Variants in TLK2 observed in about 807,000 individuals in gnomAD.
TLK2 encodes serine/threonine-protein kinase tousled-like 2.
In TLK2, 6 loss-of-function variants were observed where a neutral mutation model predicts 117.3. That is an observed-to-expected ratio of 0.05 (90% CI 0.03 to 0.10). The LOEUF (loss-of-function observed/expected upper bound fraction) is 0.10, where lower values mean the gene tolerates loss of function less well. TLK2 is among the 10% of genes least tolerant of loss of function. The pLI is 1.00. For missense variants in TLK2, 299 were observed against 901.2 expected, an observed-to-expected ratio of 0.33 and a Z score of 8.56; for synonymous variants, 257 against 316.7, an observed-to-expected ratio of 0.81 and a Z score of 2.00.
intron 2 of TLK2, among the ~76,000 whole-genome samples, chr17:62,511,957 A>G (rs1234286299): frequency 1.3e-5 from 2 of 152,298 alleles, no homozygotes; most frequent in African/African-American, 2.4e-5. Flanking sequence ...TCAAATGATA[A>G]GTTTTAAGTG....
intron 2 of TLK2, among the ~76,000 whole-genome samples, chr17:62,504,508 A>C (rs1423195529): frequency 1.3e-5 from 2 of 152,146 alleles, no homozygotes; most frequent in African/African-American, 4.8e-5. Flanking sequence ...CAAGTAAATG[A>C]GATTAATTTT....
intron 2 of TLK2, chr17:62,508,333 TA>T: frequency 1.5e-6 from 1 of 674,192 alleles, no homozygotes; most frequent in South Asian, 6.8e-5. Flanking sequence ...ACCACATAGT[TA>T]AACTTAAATA....
At chr17:62,604,674 G>A (rs570869966) in intron 19 of TLK2, among the ~76,000 whole-genome samples, 4 of 152,062 alleles carry the variant, frequency 2.6e-5, no homozygotes, top group South Asian at 2.1e-4. Context: ...ACTTTGGGAG[G>A]CCAAGGCGGG....
intron 6 of TLK2, among the ~76,000 whole-genome samples, chr17:62,535,722 C>G (rs995004644): frequency 1.3e-5 from 2 of 150,832 alleles, no homozygotes; most frequent in Admixed American, 6.6e-5. Context: ...GCAGTGAGAG[C>G]AGAGACTCTC....
At chr17:62,517,058 A>G (rs1363422434) in intron 2 of TLK2, among the ~76,000 whole-genome samples, 2 of 152,064 alleles carry the variant, frequency 1.3e-5, no homozygotes, top group East Asian at 3.9e-4. Context: ...GGCGTGTGTC[A>G]CCATGCCCAG....
In TLK2 at chr17:62,544,034, A is replaced by AT. The variant is rs1030481872; in HGVS notation, c.531+7705dup. Among the ~76,000 whole-genome samples, 8 of 151,572 alleles carry AT rather than the reference A, an allele frequency of 5.3e-5. No individual in the cohort carries two copies. In the East Asian group the frequency reaches 5.8e-4, roughly 11 times the overall value. On this transcript the variant is annotated intron_variant, in intron 7 of 21. Coordinates refer to ENST00000346027, the MANE Select transcript of TLK2 (RefSeq NM_006852.6). Reference sequence around the variant, plus strand: ...GGTATGAGGAAGGAGTTCCAACTTCATTTTTTTTGCATGTGTATATCCTAT... The same window carrying AT: ...GGTATGAGGAAGGAGTTCCAACTTCATTTTTTTTTGCATGTGTATATCCTAT...
chr17:62,570,772 C>A (rs1024595138), intron 11 of TLK2, among the ~76,000 whole-genome samples: 1 of 151,968 alleles, frequency 6.6e-6, no homozygotes, highest in Non-Finnish European at 1.5e-5. Context: ...TATATTATGG[C>A]TGTGGGGAGC....
At chr17:62,604,153 C>T (rs1014559118) in intron 19 of TLK2, among the ~76,000 whole-genome samples, 26 of 151,970 alleles carry the variant, frequency 1.7e-4, no homozygotes, top group African/African-American at 3.6e-4. Context: ...TACATGCACC[C>T]GCCACCACGC....
intron 7 of TLK2, among the ~76,000 whole-genome samples, chr17:62,545,667 C>T (rs1440120477): frequency 6.6e-6 from 1 of 152,122 alleles, no homozygotes; most frequent in South Asian, 2.1e-4. Context: ...CAGAGGTGGT[C>T]ATTTTTTAGG....
intron 2 of TLK2, among the ~76,000 whole-genome samples, chr17:62,485,937 C>CA (rs1237031163): frequency 6.6e-6 from 1 of 151,380 alleles, no homozygotes; most frequent in Non-Finnish European, 1.5e-5. Context: ...TCTCCTGCCT[C>CA]AGCCTCCCGA....
intron 12 of TLK2, 92 bp from the exon 13 acceptor site, chr17:62,576,617 A>G: frequency 1.0e-6 from 1 of 966,608 alleles, no homozygotes; most frequent in Non-Finnish European, 1.7e-6. Flanking sequence ...ACTGAAACTG[A>G]ATATGTCTTA....
At chr17:62,549,423 A>AAAAAAAAAAGT (rs2078249580) in intron 7 of TLK2, among the ~76,000 whole-genome samples, 4 of 114,766 alleles carry the variant, frequency 3.5e-5, no homozygotes, top group Non-Finnish European at 5.7e-5. Flanking sequence ...AAAAAAAAAA[A>AAAAAAAAAAGT]AAAAAAAAAA....
At chr17:62,569,476 C>T (rs1598647926) in intron 11 of TLK2, among the ~76,000 whole-genome samples, 1 of 134,512 alleles carries the variant, frequency 7.4e-6, no homozygotes, top group Non-Finnish European at 1.6e-5. Flanking sequence ...TGCTCTGTTG[C>T]CCAGGCTGGA....
At chr17:62,584,153 C>T (rs1485683083) in intron 15 of TLK2, among the ~76,000 whole-genome samples, 8 of 129,694 alleles carry the variant, frequency 6.2e-5, no homozygotes, top group African/African-American at 1.7e-4. Context: ...CTCGCTCTGT[C>T]GCCCAGGCTG....
rs544115232 is a variant in TLK2 at position 62,493,405 on chromosome 17, A to C, written c.81+12199A>C. ...GATGGACCCTCGGGTTACTTTTACC[A>C]TTTGGCTATTGTGAATAGTGCTATG... On this transcript the variant is annotated intron_variant, in intron 2 of 21. Coordinates refer to ENST00000346027, the MANE Select transcript of TLK2 (RefSeq NM_006852.6). Among the ~76,000 whole-genome samples, 12 of 152,224 alleles carry C rather than the reference A, an allele frequency of 7.9e-5. 1 individual carries two copies. In the South Asian group the frequency reaches 2.3e-3, roughly 29 times the overall value.
chr17:62,572,176 CAAAAAA>C, intron 11 of TLK2, among the ~76,000 whole-genome samples: 1 of 54,596 alleles, frequency 1.8e-5, no homozygotes, highest in African/African-American at 6.5e-5. Context: ...GGCTCTGTCT[CAAAAAA>C]AAAAAAAAAA....
chr17:62,481,576 G>A (rs1049833543), intron 2 of TLK2, among the ~76,000 whole-genome samples: 1 of 152,202 alleles, frequency 6.6e-6, no homozygotes, highest in Non-Finnish European at 1.5e-5. Flanking sequence ...TTGGACTTTG[G>A]AGGTAGTTAC....
At chr17:62,496,651 T>TA (rs1414831468) in intron 2 of TLK2, among the ~76,000 whole-genome samples, 1 of 152,094 alleles carries the variant, frequency 6.6e-6, no homozygotes, top group Non-Finnish European at 1.5e-5. Flanking sequence ...ATGGTTTTAT[T>TA]ACGTTCTTAA....
intron 16 of TLK2, among the ~76,000 whole-genome samples, chr17:62,589,645 G>A (rs1396437537): frequency 6.6e-6 from 1 of 152,242 alleles, no homozygotes; most frequent in East Asian, 1.9e-4. Context: ...TTTGTTTCCT[G>A]TGTTTTCTGT....
Sources: gnomAD v4.1 joint callset for allele counts (sites outside exome capture counted in the v4.1 genomes callset) on GRCh38, gnomAD v4.1.1 for gene constraint, MANE v1.5 for transcripts, NCBI Gene and HGNC (gene_info 2026-07-23, HGNC 2026-07-21) for gene names.